GRIK4: variants seen among roughly 807,000 people sequenced by gnomAD.
The protein encoded by GRIK4 is glutamate receptor ionotropic, kainate 4.
Under a neutral mutation model 104.9 loss-of-function variants are expected in GRIK4, and 40 were observed. The observed-to-expected ratio is 0.38, with a 90% CI of 0.30 to 0.50. GRIK4 has a LOEUF of 0.50. GRIK4 is among the 20% of genes least tolerant of loss of function. The pLI is 0.93. For synonymous variants in GRIK4, 485 were observed against 524.9 expected (o/e 0.92, Z 1.04); for missense variants, 1,047 against 1,308.1 (o/e 0.80, Z 3.08).
chr11:120,615,017 A>C lies in GRIK4; in HGVS notation c.-158-38668A>C, dbSNP rs557056318. Among the ~76,000 whole-genome samples the C allele has an allele frequency of 3.2e-4, 49 of 151,368 alleles. 1 individual carries two copies. The highest frequency in any genetic ancestry group is 3.4e-3 in the Middle Eastern group (1 of 294). On this transcript the variant is annotated intron_variant, in intron 1 of 20. Transcript: ENST00000527524. Reference sequence around the variant, plus strand: ...CAATCTCAAAACAAAACAAAACAAAAAACAAAACAAACAAACAAACAAAAA... The same window carrying C: ...CAATCTCAAAACAAAACAAAACAAACAACAAAACAAACAAACAAACAAAAA...
At chr11:120,784,062 G>A (rs573557159) in intron 3 of GRIK4, among the ~76,000 whole-genome samples, 2 of 152,270 alleles carry the variant, frequency 1.3e-5, no homozygotes, top group South Asian at 4.2e-4. Flanking sequence ...GTACTCCCCA[G>A]CATGTAGAAC....
At chr11:120,712,550 G>A (rs1481708991) in intron 3 of GRIK4, among the ~76,000 whole-genome samples, 1 of 151,888 alleles carries the variant, frequency 6.6e-6, no homozygotes, top group African/African-American at 2.4e-5. Flanking sequence ...CACATTGGGA[G>A]GCCAGCATTG....
At chr11:120,900,769 G>C (rs540274830) in intron 12 of GRIK4, among the ~76,000 whole-genome samples, 12 of 152,300 alleles carry the variant, frequency 7.9e-5, no homozygotes, top group African/African-American at 2.4e-4. Flanking sequence ...CAAGCACTGA[G>C]AGAGCAGTTC....
intron 1 of GRIK4, chr11:120,515,097 A>G (rs1947709768): frequency 2.2e-6 from 1 of 454,298 alleles, no homozygotes; most frequent in Admixed American, 2.4e-5. Context: ...TTATGTCACA[A>G]CGTGGTGTCT....
intron 1 of GRIK4, among the ~76,000 whole-genome samples, chr11:120,587,866 G>A (rs1423073957): frequency 1.3e-5 from 2 of 152,142 alleles, no homozygotes; most frequent in Admixed American, 6.5e-5. Flanking sequence ...GGAGGAGCAG[G>A]GCCTTGTTGG....
intron 1 of GRIK4, among the ~76,000 whole-genome samples, chr11:120,548,601 T>G (rs994573675): frequency 6.6e-6 from 1 of 151,428 alleles, no homozygotes; most frequent in African/African-American, 2.4e-5. Flanking sequence ...TTTAAGAGAG[T>G]GAATGGCCCG....
At chr11:120,662,981 T>C (rs911291762) in intron 3 of GRIK4, among the ~76,000 whole-genome samples, 5 of 152,218 alleles carry the variant, frequency 3.3e-5, no homozygotes, top group Admixed American at 6.5e-5. Flanking sequence ...TTACAGTGTT[T>C]GGTGTTTACC....
At position 120,967,366 on chromosome 11, in the gene GRIK4, A is replaced by C; in HGVS notation, c.2395+43A>C. 6.4e-7 allele frequency: 1 copy of C among 1,568,662 alleles called. No individual in the cohort carries two copies. Among genetic ancestry groups the C allele is most frequent in the Non-Finnish European group, 8.6e-7 (1 of 1,157,138 alleles). ...CATCCTCCTCCTGCCCTAGAGGACC[A>C]AAGTAGCTTGTTTCTCGTGTTCAAA... On this transcript the variant is annotated intron_variant, in intron 19 of 20. Coordinates refer to ENST00000527524, the MANE Select transcript of GRIK4 (RefSeq NM_014619.5). This position sits in a 1 kb window ranked among gnomAD's most constrained non-coding sequence, Gnocchi z 4.2.
intron 14 of GRIK4, among the ~76,000 whole-genome samples, chr11:120,942,533 T>C (rs1038817136): frequency 2.0e-5 from 3 of 152,152 alleles, no homozygotes; most frequent in Non-Finnish European, 2.9e-5. Context: ...AGGAACCAGA[T>C]GGCAGAAGGT....
chr11:120,686,631 G>A (rs150228894), intron 3 of GRIK4, among the ~76,000 whole-genome samples: 95 of 152,344 alleles, frequency 6.2e-4, no homozygotes, highest in Non-Finnish European at 1.1e-3. Flanking sequence ...TGCTAACAGA[G>A]GGAAGCAGTG....
chr11:120,634,387 A>G (rs970232923), intron 1 of GRIK4, among the ~76,000 whole-genome samples: 2 of 152,070 alleles, frequency 1.3e-5, no homozygotes, highest in East Asian at 1.9e-4. Flanking sequence ...CCCCATTCCA[A>G]AGCTTCTCCC....
chr11:120,703,514 GCCCAA>G (rs890144556), intron 3 of GRIK4, among the ~76,000 whole-genome samples: 1 of 151,894 alleles, frequency 6.6e-6, no homozygotes, highest in African/African-American at 2.4e-5. Context: ...TCCACTGTCA[GCCCAA>G]CCCAGGCTGT....
At chr11:120,700,004 T>C (rs1950525389) in intron 3 of GRIK4, among the ~76,000 whole-genome samples, 1 of 152,198 alleles carries the variant, frequency 6.6e-6, no homozygotes. Context: ...GGACTTCAAA[T>C]TTTTTACAGA....
intron 1 of GRIK4, among the ~76,000 whole-genome samples, chr11:120,584,683 G>A (rs1948635600): frequency 6.6e-6 from 1 of 152,208 alleles, no homozygotes; most frequent in African/African-American, 2.4e-5. Context: ...GTGAGATTTG[G>A]GCAGGACAAA....
intron 1 of GRIK4, among the ~76,000 whole-genome samples, chr11:120,625,713 G>T (rs993157285): frequency 6.6e-6 from 1 of 151,930 alleles, no homozygotes; most frequent in Non-Finnish European, 1.5e-5. Context: ...CAAACAGAGT[G>T]CCAGGGTGTG....
chr11:120,681,197 G>A (rs1170994799), intron 3 of GRIK4, among the ~76,000 whole-genome samples: 1 of 152,198 alleles, frequency 6.6e-6, no homozygotes, highest in Non-Finnish European at 1.5e-5. Context: ...AGGGATTGGG[G>A]AGGAAGACTA....
chr11:120,736,052 G>GC lies in GRIK4; in HGVS notation c.83-66639dup, dbSNP rs540121104. Among the ~76,000 whole-genome samples the GC allele has an allele frequency of 2.3e-3, 356 of 152,252 alleles. 1 individual carries two copies. Among genetic ancestry groups the GC allele is most frequent in the Non-Finnish European group, 4.7e-3 (320 of 68,024 alleles). Reference sequence around the variant, plus strand: ...TCCTGTGGCCGAGCTAGTAACTGAAGCCAGTACATCTTAGAGTCTCACCCA... The same window carrying GC: ...TCCTGTGGCCGAGCTAGTAACTGAAGCCCAGTACATCTTAGAGTCTCACCCA... On this transcript the variant is annotated intron_variant, in intron 3 of 20. Transcript: ENST00000527524.
chr11:120,957,339 G>A (rs1944178682), intron 16 of GRIK4, among the ~76,000 whole-genome samples: 1 of 152,248 alleles, frequency 6.6e-6, no homozygotes, highest in South Asian at 2.1e-4. Context: ...CCCTGCAGGA[G>A]GAAGCCAGCC....
intron 11 of GRIK4, among the ~76,000 whole-genome samples, chr11:120,881,516 G>A (rs1954968018): frequency 6.6e-6 from 1 of 152,160 alleles, no homozygotes; most frequent in Admixed American, 6.5e-5. Flanking sequence ...TATCAACCCA[G>A]CTTTCAAGGG....
Sources: gnomAD v4.1 joint callset for allele counts (sites outside exome capture counted in the v4.1 genomes callset) on GRCh38, gnomAD v4.1.1 for gene constraint, Gnocchi (gnomAD v3.1) non-coding constraint, MANE v1.5 for transcripts, NCBI Gene and HGNC (gene_info 2026-07-23, HGNC 2026-07-21) for gene names.